NRG1: variants seen among roughly 807,000 people sequenced by gnomAD.
NRG1 encodes the protein neuregulin 1.
In NRG1, 18 loss-of-function variants were observed where a neutral mutation model predicts 63.8. The ratio of observed to expected loss-of-function variants is 0.28; its 90% CI spans 0.19 to 0.42. The LOEUF is 0.42. Among genes scored for constraint, NRG1 ranks in the 10% least tolerant of loss-of-function variants. The pLI is 1.00. For missense variants in NRG1, 762 were observed against 814.7 expected (o/e 0.94, Z 0.79); for synonymous variants, 302 against 301.3 (o/e 1.00, Z -0.02).
intron 6 of NRG1, among the ~76,000 whole-genome samples, chr8:32,734,302 G>A (rs1824458078): frequency 6.6e-6 from 1 of 152,130 alleles, no homozygotes. Flanking sequence ...ATTAAACAAG[G>A]GGGCAACGGT....
chr8:31,957,798 T>C (rs1470497120), intron 1 of NRG1, among the ~76,000 whole-genome samples: 1 of 152,178 alleles, frequency 6.6e-6, no homozygotes, highest in Admixed American at 6.5e-5. Context: ...TGGTGTTTAT[T>C]CAATATTTTC....
At chr8:32,482,425 T>TG (rs1554555725) in intron 1 of NRG1, among the ~76,000 whole-genome samples, 10 of 150,808 alleles carry the variant, frequency 6.6e-5, no homozygotes, top group South Asian at 2.1e-4. Flanking sequence ...TGTGTGTGTG[T>TG]TCTCTGGTAT....
chr8:32,602,582 T>C (rs1192913658), intron 2 of NRG1, among the ~76,000 whole-genome samples: 2 of 152,136 alleles, frequency 1.3e-5, no homozygotes, highest in Non-Finnish European at 2.9e-5. Context: ...TGTAATCTTA[T>C]CTCAGAATTT....
At chr8:32,497,087 T>G (rs146937992) in intron 1 of NRG1, among the ~76,000 whole-genome samples, 5 of 152,318 alleles carry the variant, frequency 3.3e-5, no homozygotes, top group African/African-American at 1.2e-4. Flanking sequence ...TACTAATAAT[T>G]TTTAACTCTT....
At position 32,510,118 on chromosome 8, in the gene NRG1, T is replaced by TC. The variant is rs1445331994; in HGVS notation, c.38-85710_38-85709insC. On this transcript the variant is annotated intron_variant, in intron 1 of 10. Transcript: ENST00000519301. Reference sequence around the variant, plus strand: ...ACAAAAATAATAATAATAATAATAATAATAATAATCATAAAAGCAAGGGAG... The same window carrying TC: ...ACAAAAATAATAATAATAATAATAATCAATAATAATCATAAAAGCAAGGGAG... 8.6e-3 allele frequency among the ~76,000 whole-genome samples: 1,183 copies of TC among 137,494 alleles called. 11 individuals are homozygous for TC. The highest frequency in any genetic ancestry group is 0.022 in the African/African-American group (845 of 37,714). 90.2% of individuals were successfully genotyped at this position (137,494 alleles called of 152,430 possible).
At chr8:32,425,786 T>A (rs1333356454) in intron 1 of NRG1, among the ~76,000 whole-genome samples, 8 of 152,178 alleles carry the variant, frequency 5.3e-5, no homozygotes, top group Non-Finnish European at 1.2e-4. Flanking sequence ...AGTCACACGA[T>A]AGAGGAGCTA....
intron 1 of NRG1, among the ~76,000 whole-genome samples, chr8:32,358,123 C>T (rs766853203): frequency 2.0e-5 from 3 of 152,016 alleles, no homozygotes; most frequent in Non-Finnish European, 2.9e-5. Context: ...TTTAGCTTTC[C>T]TGCATTCCTA....
chr8:31,908,473 G>A (rs572476775), intron 1 of NRG1, among the ~76,000 whole-genome samples: 46 of 152,280 alleles, frequency 3.0e-4, no homozygotes, highest in African/African-American at 1.1e-3. Context: ...CTTCGGGTAT[G>A]TGCGGCAACC....
At chr8:31,840,739 G>A (rs964589657) in intron 1 of NRG1, among the ~76,000 whole-genome samples, 8 of 152,158 alleles carry the variant, frequency 5.3e-5, no homozygotes, top group African/African-American at 1.9e-4. Flanking sequence ...AATTATATCA[G>A]TGGATGTCCT....
chr8:32,572,957 G>A (rs928519127), intron 1 of NRG1, among the ~76,000 whole-genome samples: 7 of 151,940 alleles, frequency 4.6e-5, no homozygotes, highest in Non-Finnish European at 1.0e-4. Context: ...GGTTAATTTC[G>A]CCACCATTTT....
At chr8:32,149,327 G>A (rs1399571020) in intron 1 of NRG1, among the ~76,000 whole-genome samples, 1 of 152,022 alleles carries the variant, frequency 6.6e-6, no homozygotes, top group Non-Finnish European at 1.5e-5. Context: ...ATCTTAGTTG[G>A]CCTCTTCTCA....
intron 1 of NRG1, among the ~76,000 whole-genome samples, chr8:32,128,177 C>T (rs1834353891): frequency 6.6e-6 from 1 of 151,924 alleles, no homozygotes; most frequent in African/African-American, 2.4e-5. Flanking sequence ...GAGGTGTTTT[C>T]TTCCACTTGG....
At chr8:31,864,468 G>A (rs1324315674) in intron 1 of NRG1, among the ~76,000 whole-genome samples, 2 of 152,152 alleles carry the variant, frequency 1.3e-5, no homozygotes, top group Admixed American at 1.3e-4. Flanking sequence ...ACTGAAATCT[G>A]AAGAACCAGC....
At chr8:32,289,314 T>C (rs969051360) in intron 1 of NRG1, among the ~76,000 whole-genome samples, 1 of 152,104 alleles carries the variant, frequency 6.6e-6, no homozygotes, top group Non-Finnish European at 1.5e-5. Context: ...ATTGCTGTCC[T>C]ACAGAGCAAG....
At chr8:31,857,299 G>A (rs1054371284) in intron 1 of NRG1, among the ~76,000 whole-genome samples, 2 of 152,264 alleles carry the variant, frequency 1.3e-5, no homozygotes, top group African/African-American at 4.8e-5. Context: ...GCCAGGTGCG[G>A]GATATAATCT....
At chr8:31,681,330 A>G (rs1808320670) in intron 1 of NRG1, among the ~76,000 whole-genome samples, 1 of 152,150 alleles carries the variant, frequency 6.6e-6, no homozygotes, top group South Asian at 2.1e-4. Context: ...CCTTGTTAAA[A>G]TGTTCAGTAG....
chr8:32,366,673 G>GTATATATA (rs1270263657), intron 1 of NRG1, among the ~76,000 whole-genome samples: 11 of 42,954 alleles, frequency 2.6e-4, no homozygotes, highest in South Asian at 9.3e-4. Context: ...GTGTGTGTGT[G>GTATATATA]TGTGTATATA....
At chr8:31,753,625 T>C (rs1209714295) in intron 1 of NRG1, among the ~76,000 whole-genome samples, 1 of 152,116 alleles carries the variant, frequency 6.6e-6, no homozygotes, top group Non-Finnish European at 1.5e-5. Context: ...GGACAGACAC[T>C]GCTGTTTTAA....
At chr8:32,590,578 A>G (rs973702051) in intron 1 of NRG1, among the ~76,000 whole-genome samples, 3 of 152,206 alleles carry the variant, frequency 2.0e-5, no homozygotes, top group Non-Finnish European at 4.4e-5. Flanking sequence ...CTTAACAAGA[A>G]TTGACCCTAA....
Sources: allele counts gnomAD v4.1 joint callset (sites outside exome capture counted in the v4.1 genomes callset), GRCh38; gene constraint gnomAD v4.1.1; transcripts MANE v1.5; gene names NCBI Gene and HGNC (gene_info 2026-07-23, HGNC 2026-07-21).